KLF8: variants seen among roughly 807,000 people sequenced by gnomAD.
KLF8 encodes the protein Krueppel-like factor 8.
A neutral mutation model predicts 18.2 loss-of-function variants in KLF8; 10 were observed. That is an observed-to-expected ratio of 0.55 (90% CI 0.34 to 0.93). KLF8 has a LOEUF of 0.93. Ranked by LOEUF, KLF8 falls within the 40% of genes least tolerant of loss-of-function variation. The pLI is 0.02. For synonymous variants in KLF8, 109 were observed against 97.3 expected, an observed-to-expected ratio of 1.12 and a Z score of -0.71; for missense variants, 264 against 277.9, an observed-to-expected ratio of 0.95 and a Z score of 0.36.
In KLF8 at chrX:56,273,561, A is replaced by G. The variant is rs770280774; in HGVS notation, c.898+3240A>G. On this transcript the variant is annotated intron_variant, in intron 5 of 5. Coordinates refer to ENST00000468660, the MANE Select transcript of KLF8 (RefSeq NM_007250.5). ...TCAATTATTTTAATTTTTAGCTACC[A>G]CAAATAAGTGACAACATGTGAAGTT... Among the ~76,000 whole-genome samples, 5 of 110,047 alleles carry G rather than the reference A, an allele frequency of 4.5e-5. No homozygotes were observed. The East Asian group carries it at 1.4e-3, about 31-fold the overall frequency.
At chrX:56,234,070 C>T (rs2066440910) in intron 1 of KLF8, among the ~76,000 whole-genome samples, 1 of 105,964 alleles carries the variant, frequency 9.4e-6, no homozygotes. Flanking sequence ...TTTTTGTGGG[C>T]TTTTTTTTTT....
the KLF8 span, among the ~76,000 whole-genome samples, chrX:56,147,652 AG>A: frequency 9.0e-6 from 1 of 111,676 alleles, no homozygotes; most frequent in Admixed American, 9.5e-5. Context: ...AAATGGTATA[AG>A]GTTTATTTTT....
At chrX:56,075,887 T>A in the KLF8 span, among the ~76,000 whole-genome samples, 1 of 112,003 alleles carries the variant, frequency 8.9e-6, no homozygotes, top group African/African-American at 3.2e-5. Context: ...TGTGTATATA[T>A]GCCACATTTC....
At chrX:55,940,825 A>G in the KLF8 span, among the ~76,000 whole-genome samples, 1 of 111,785 alleles carries the variant, frequency 8.9e-6, no homozygotes, top group Admixed American at 9.5e-5. Flanking sequence ...AAGGGATGTG[A>G]AGGACCTCTT....
the KLF8 span, among the ~76,000 whole-genome samples, chrX:55,931,588 T>C: frequency 8.9e-6 from 1 of 111,779 alleles, no homozygotes; most frequent in African/African-American, 3.3e-5. Context: ...TCGTATTAGT[T>C]TCAGAGAATT....
At chrX:56,004,857 C>A in the KLF8 span, among the ~76,000 whole-genome samples, 1 of 110,667 alleles carries the variant, frequency 9.0e-6, no homozygotes, top group African/African-American at 3.3e-5. Context: ...AGTTGCAAAG[C>A]ATTTGTGGTA....
chrX:55,946,261 C>T, the KLF8 span, among the ~76,000 whole-genome samples: 2 of 111,788 alleles, frequency 1.8e-5, no homozygotes, highest in African/African-American at 6.5e-5. Context: ...GTAACCAAAA[C>T]AGCATGGTAC....
the KLF8 span, among the ~76,000 whole-genome samples, chrX:56,153,017 G>A: frequency 1.8e-5 from 2 of 111,534 alleles, no homozygotes; most frequent in African/African-American, 3.3e-5. Flanking sequence ...CATTGAACAC[G>A]CAAAGAGCTT....
chrX:56,112,480 A>T, the KLF8 span, among the ~76,000 whole-genome samples: 1 of 111,244 alleles, frequency 9.0e-6, no homozygotes, highest in Non-Finnish European at 1.9e-5. Flanking sequence ...AAAGTATAAT[A>T]AAAAAAATTT....
the KLF8 span, among the ~76,000 whole-genome samples, chrX:56,086,600 T>G: frequency 9.0e-6 from 1 of 110,989 alleles, no homozygotes; most frequent in Non-Finnish European, 1.9e-5. Flanking sequence ...ACACAGACAT[T>G]TTTTTCTAAA....
the KLF8 span, among the ~76,000 whole-genome samples, chrX:56,069,049 T>C: frequency 9.0e-6 from 1 of 111,347 alleles, no homozygotes; most frequent in South Asian, 3.8e-4. Context: ...GCAGCCTCAC[T>C]TCTGTCTGAA....
At chrX:56,160,626 C>G in the KLF8 span, among the ~76,000 whole-genome samples, 1 of 111,315 alleles carries the variant, frequency 9.0e-6, no homozygotes, top group East Asian at 2.8e-4. Flanking sequence ...TTGAGTTGAT[C>G]CCTTTACCAT....
At chrX:56,260,718 C>G (rs1421807921) in intron 2 of KLF8, among the ~76,000 whole-genome samples, 1 of 111,877 alleles carries the variant, frequency 8.9e-6, no homozygotes, top group African/African-American at 3.2e-5. Context: ...GTTAAACAGA[C>G]TTTTTGACCT....
chrX:55,939,912 A>T, the KLF8 span, among the ~76,000 whole-genome samples: 1 of 111,922 alleles, frequency 8.9e-6, no homozygotes, highest in Non-Finnish European at 1.9e-5. Flanking sequence ...AGAGTCCAGG[A>T]CCAGATGGAT....
the KLF8 span, among the ~76,000 whole-genome samples, chrX:55,951,334 G>T: frequency 9.2e-6 from 1 of 108,943 alleles, no homozygotes; most frequent in African/African-American, 3.3e-5. Flanking sequence ...AAATTTGCCA[G>T]GTGTGGTGGG....
the KLF8 span, among the ~76,000 whole-genome samples, chrX:56,130,970 C>G: frequency 9.0e-6 from 1 of 111,039 alleles, no homozygotes; most frequent in Non-Finnish European, 1.9e-5. Flanking sequence ...AAAAGAATTT[C>G]AAAAATGTGC....
chrX:56,082,633 T>C, the KLF8 span, among the ~76,000 whole-genome samples: 1 of 111,139 alleles, frequency 9.0e-6, no homozygotes, highest in South Asian at 3.8e-4. Flanking sequence ...ATACATCACA[T>C]AAGCTCCATT....
chrX:56,256,913 G>A (rs1602435713), intron 2 of KLF8, among the ~76,000 whole-genome samples: 1 of 111,640 alleles, frequency 9.0e-6, no homozygotes, highest in East Asian at 2.8e-4. Flanking sequence ...ATGTTGGTCA[G>A]GCTGGTCTCG....
intron 1 of KLF8, among the ~76,000 whole-genome samples, chrX:56,237,379 G>T (rs1183692217): frequency 9.2e-6 from 1 of 108,690 alleles, no homozygotes; most frequent in African/African-American, 3.4e-5. Flanking sequence ...ACCTTATGAG[G>T]TAGTTTCTAT....
Sources: gnomAD v4.1 joint callset for allele counts (sites outside exome capture counted in the v4.1 genomes callset) on GRCh38, gnomAD v4.1.1 for gene constraint, MANE v1.5 for transcripts, NCBI Gene and HGNC (gene_info 2026-07-23, HGNC 2026-07-21) for gene names.